RYR2: variants seen among roughly 807,000 people sequenced by gnomAD.
RYR2 encodes ryanodine receptor 2.
RYR2 carries 227 observed loss-of-function variants against 601.1 expected under a neutral mutation model. The observed-to-expected ratio is 0.38, with a 90% confidence interval of 0.34 to 0.42. The LOEUF (loss-of-function observed/expected upper bound fraction) is 0.42, where lower values mean the gene tolerates loss of function less well. Among genes scored for constraint, RYR2 ranks in the 10% least tolerant of loss-of-function variants. The pLI is 1.00. For missense variants in RYR2, 4,646 were observed against 6,156.5 expected (o/e 0.75, Z 8.21); for synonymous variants, 2,223 against 2,175.1 (o/e 1.02, Z -0.61).
At chr1:237,136,834 G>T (rs1175833609) in intron 1 of RYR2, among the ~76,000 whole-genome samples, 1 of 151,916 alleles carries the variant, frequency 6.6e-6, no homozygotes, top group Admixed American at 6.6e-5. Flanking sequence ...TGGCCAACAT[G>T]GTGAAACCCC....
intron 2 of RYR2, among the ~76,000 whole-genome samples, chr1:237,276,811 G>T (rs565824699): frequency 6.6e-6 from 1 of 152,224 alleles, no homozygotes; most frequent in East Asian, 1.9e-4. Context: ...TAAATAGTGT[G>T]GTAGAAGTAT....
At chr1:237,215,951 T>C (rs1683111920) in intron 1 of RYR2, among the ~76,000 whole-genome samples, 1 of 152,228 alleles carries the variant, frequency 6.6e-6, no homozygotes, top group Admixed American at 6.5e-5. Context: ...TTTAACCAAT[T>C]AATATGGAGC....
At chr1:237,208,815 C>A (rs1026064589) in intron 1 of RYR2, among the ~76,000 whole-genome samples, 2 of 151,010 alleles carry the variant, frequency 1.3e-5, no homozygotes, top group Admixed American at 1.3e-4. Flanking sequence ...GTCTCCAGAA[C>A]TTATTTGTTT....
intron 10 of RYR2, among the ~76,000 whole-genome samples, chr1:237,405,248 A>C (rs1703745216): frequency 6.6e-6 from 1 of 152,350 alleles, no homozygotes; most frequent in Middle Eastern, 3.4e-3. Flanking sequence ...CAAAGGATGC[A>C]ACTGCCAGTG....
intron 1 of RYR2, among the ~76,000 whole-genome samples, chr1:237,235,849 C>T (rs1685498977): frequency 6.6e-6 from 1 of 152,088 alleles, no homozygotes; most frequent in African/African-American, 2.4e-5. Flanking sequence ...TTTAAATGGA[C>T]AGATATTAAG....
At chr1:237,687,201 T>A (rs1352639402) in intron 62 of RYR2, among the ~76,000 whole-genome samples, 1 of 152,054 alleles carries the variant, frequency 6.6e-6, no homozygotes, top group Non-Finnish European at 1.5e-5. Context: ...TGGTTTCTTA[T>A]AATATGTGCT....
At chr1:237,540,458 AACAGTTG>A (rs911481656) in intron 25 of RYR2, among the ~76,000 whole-genome samples, 45 of 129,682 alleles carry the variant, frequency 3.5e-4, no homozygotes, top group African/African-American at 1.1e-3. Context: ...CTGTAATCCC[AACAGTTG>A]GGAGGCCGAG....
Position 237,625,690 on chromosome 1 carries a change from G to A in RYR2, c.6052G>A (p.Asp2018Asn), listed in dbSNP as rs763907565. 1.2e-6 allele frequency: 2 copies of A among 1,613,686 alleles called. No homozygotes were observed. The highest frequency in any genetic ancestry group is 1.1e-5 in the South Asian group (1 of 91,062). The change falls in exon 40 of 105, where the codon GAT becomes AAT. Residue 2018 changes from aspartate to asparagine, a missense_variant. By Grantham distance (23) the Asp-to-Asn change is conservative (BLOSUM62 1). Transcript: ENST00000366574. ...GIELDEDGSL[D>N]GNSDLTIRGR... is the part of the protein sequence containing the mutation. ...TGAGCTGGATGAAGATGGGTCTCTG[G>A]ATGGAAACAGTGATTTAACAATTAG...
chr1:237,373,666 A>G (rs1700813520), intron 6 of RYR2, among the ~76,000 whole-genome samples: 2 of 152,268 alleles, frequency 1.3e-5, no homozygotes, highest in Admixed American at 6.5e-5. Context: ...CCTAAACTTT[A>G]TGTCCAAGAA....
intron 1 of RYR2, among the ~76,000 whole-genome samples, chr1:237,147,300 A>G (rs928534789): frequency 2.4e-4 from 37 of 152,290 alleles, no homozygotes; most frequent in African/African-American, 8.7e-4. Flanking sequence ...TAGTCTTGCT[A>G]ATTTTGATAA....
At chr1:237,667,572 A>G (rs1264746450) in intron 57 of RYR2, among the ~76,000 whole-genome samples, 2 of 152,314 alleles carry the variant, frequency 1.3e-5, no homozygotes, top group East Asian at 1.9e-4. Flanking sequence ...GGAAATTAAA[A>G]CAAGAACTTG....
chr1:237,240,181 T>C (rs1426026957), intron 1 of RYR2, among the ~76,000 whole-genome samples: 1 of 152,218 alleles, frequency 6.6e-6, no homozygotes, highest in Non-Finnish European at 1.5e-5. Flanking sequence ...GTTGCCGTCG[T>C]CTAAGGCAGC....
intron 24 of RYR2, among the ~76,000 whole-genome samples, chr1:237,522,466 T>C (rs970983793): frequency 8.5e-5 from 13 of 152,256 alleles, no homozygotes; most frequent in African/African-American, 3.1e-4. Flanking sequence ...ACATGTTGTC[T>C]GAGTTCCTTG....
At chr1:237,362,751 A>G (rs1015080102) in intron 4 of RYR2, among the ~76,000 whole-genome samples, 3 of 152,178 alleles carry the variant, frequency 2.0e-5, no homozygotes, top group African/African-American at 7.2e-5. Context: ...CACTAATACC[A>G]CAAATCTTTC....
At chr1:237,736,814 C>A (rs1027344644) in intron 79 of RYR2, among the ~76,000 whole-genome samples, 2 of 152,236 alleles carry the variant, frequency 1.3e-5, no homozygotes, top group African/African-American at 4.8e-5. Flanking sequence ...AATGCTCCCC[C>A]TGGCTGTGTG....
chr1:237,308,444 C>T (rs114587499), intron 2 of RYR2, among the ~76,000 whole-genome samples: 4,284 of 152,264 alleles, frequency 0.028, 93 homozygotes, highest in Non-Finnish European at 0.045. Flanking sequence ...TGAATTATTT[C>T]TTGCATGAAA....
At chr1:237,632,418 G>A (rs1189736252) in intron 42 of RYR2, among the ~76,000 whole-genome samples, 10 of 134,032 alleles carry the variant, frequency 7.5e-5, no homozygotes, top group South Asian at 7.1e-4. Flanking sequence ...TTTTTGAGAC[G>A]GAGTCTCAGT....
In RYR2 at chr1:237,374,814, G is replaced by A. The variant is rs778848681; in HGVS notation, c.463+19G>A. On this transcript the variant is annotated intron_variant, in intron 7 of 104. Transcript: ENST00000366574. ...ACCACAGGTAAGCATCTTGTGCTGC[G>A]GGAAGCCAGGTTCAGAGAGAACCCT... 1.9e-6 allele frequency: 3 copies of A among 1,600,324 alleles called. No individual in the cohort carries two copies. Among genetic ancestry groups the A allele is most frequent in the Admixed American group, 1.7e-5 (1 of 58,602 alleles).
chr1:237,724,925 T>G (rs1690074449), intron 74 of RYR2, among the ~76,000 whole-genome samples: 1 of 152,156 alleles, frequency 6.6e-6, no homozygotes, highest in African/African-American at 2.4e-5. Flanking sequence ...CCAATCATGA[T>G]GAATGATGGC....
Sources: gnomAD v4.1 joint callset for allele counts (sites outside exome capture counted in the v4.1 genomes callset) on GRCh38, gnomAD v4.1.1 for gene constraint, MANE v1.5 for transcripts, NCBI Gene and HGNC (gene_info 2026-07-23, HGNC 2026-07-21) for gene names.